The following SOX6 variants were observed in gnomAD, a reference collection of about 807,000 sequenced individuals.
SOX6 encodes the protein transcription factor SOX-6.
Under a neutral mutation model 97.8 loss-of-function variants are expected in SOX6, and 11 were observed. That is an observed-to-expected ratio of 0.11 (90% confidence interval 0.07 to 0.19). SOX6 has a LOEUF of 0.19. Ranked by LOEUF, SOX6 falls within the 10% of genes least tolerant of loss-of-function variation. The pLI is 1.00. For missense variants in SOX6, 810 were observed against 1,039.5 expected, an observed-to-expected ratio of 0.78 and a Z score of 3.04; for synonymous variants, 360 against 371.4, an observed-to-expected ratio of 0.97 and a Z score of 0.35.
At chr11:16,015,143 A>G (rs1028687078) in intron 12 of SOX6, 93 bp from the exon 13 acceptor site, 72 of 1,031,428 alleles carry the variant, frequency 7.0e-5, no homozygotes, top group Admixed American at 5.4e-4. Context: ...CAAAAGGTGA[A>G]TTCAAAAATA....
rs879106498 is a variant in SOX6 at position 15,972,490 on chromosome 11, G to GA, written c.*318dup. The GA allele has an allele frequency of 7.3e-4, 252 of 344,106 alleles. No individual in the cohort carries two copies. Among genetic ancestry groups the GA allele is most frequent in the East Asian group, 9.0e-4 (14 of 15,602 alleles). The allele number at this position is 344,106 out of a possible 1,614,324, so 21.3% of individuals were successfully genotyped here. A position where few individuals can be genotyped will look rare whatever the true frequency, so the allele number is the denominator to read the frequency against. On this transcript the variant is annotated 3_prime_UTR_variant, in exon 16 of 16. Transcript: ENST00000683767. Reference sequence around the variant, plus strand: ...CTTAAACCTTTATCAACATCCAAAAGAAAAAAAAAGTAAGACAAAAATATA... The same window carrying GA: ...CTTAAACCTTTATCAACATCCAAAAGAAAAAAAAAAGTAAGACAAAAATATA...
chr11:16,564,147 G>T (rs962837205), intron 4 of SOX6, among the ~76,000 whole-genome samples: 3 of 152,152 alleles, frequency 2.0e-5, no homozygotes, highest in Non-Finnish European at 2.9e-5. Flanking sequence ...TAAAAGAAAT[G>T]TTGAAACATC....
At chr11:16,065,974 A>G (rs1416309925) in intron 9 of SOX6, among the ~76,000 whole-genome samples, 3 of 152,186 alleles carry the variant, frequency 2.0e-5, no homozygotes, top group Non-Finnish European at 4.4e-5. Context: ...AAGTGAAGAG[A>G]CAATCCCAAT....
chr11:16,215,930 T>C (rs529372662), intron 4 of SOX6, among the ~76,000 whole-genome samples: 3 of 152,312 alleles, frequency 2.0e-5, no homozygotes, highest in African/African-American at 4.8e-5. Context: ...CACGAGGAAA[T>C]GTGTTCCAAT....
intron 9 of SOX6, among the ~76,000 whole-genome samples, chr11:16,079,181 T>A (rs1396718363): frequency 6.6e-6 from 1 of 152,152 alleles, no homozygotes; most frequent in Non-Finnish European, 1.5e-5. Context: ...TGAAAAATAA[T>A]GTACACTGCC....
At chr11:16,031,066 A>C (rs1361150232) in intron 12 of SOX6, among the ~76,000 whole-genome samples, 1 of 152,192 alleles carries the variant, frequency 6.6e-6, no homozygotes, top group African/African-American at 2.4e-5. Context: ...TCTAATTCGT[A>C]AGGCACAATC....
At chr11:16,167,355 G>T (rs1434270319) in intron 6 of SOX6, among the ~76,000 whole-genome samples, 1 of 151,976 alleles carries the variant, frequency 6.6e-6, no homozygotes, top group Non-Finnish European at 1.5e-5. Context: ...CCTGGTCCAA[G>T]TTACCAACAC....
intron 9 of SOX6, among the ~76,000 whole-genome samples, chr11:16,058,984 T>G (rs1378925781): frequency 6.6e-6 from 1 of 152,100 alleles, no homozygotes; most frequent in African/African-American, 2.4e-5. Context: ...GTTCCTTTAA[T>G]GATACATGAT....
intron 4 of SOX6, among the ~76,000 whole-genome samples, chr11:16,500,758 T>C (rs574677297): frequency 6.6e-6 from 1 of 152,284 alleles, no homozygotes; most frequent in African/African-American, 2.4e-5. Flanking sequence ...ACGAGGGATG[T>C]GAAGGACCTC....
chr11:16,582,917 A>T (rs560522167), intron 4 of SOX6, among the ~76,000 whole-genome samples: 34 of 152,210 alleles, frequency 2.2e-4, no homozygotes, highest in African/African-American at 7.7e-4. Flanking sequence ...AGCATAGACA[A>T]AAATGGGAGC....
intron 1 of SOX6, among the ~76,000 whole-genome samples, chr11:16,455,224 T>G (rs1432947138): frequency 2.6e-5 from 4 of 152,042 alleles, no homozygotes; most frequent in Admixed American, 2.6e-4. Context: ...CCTTTCAGTT[T>G]TATTGTCTGT....
intron 6 of SOX6, among the ~76,000 whole-genome samples, chr11:16,172,974 T>C (rs1173759785): frequency 6.6e-6 from 1 of 151,882 alleles, no homozygotes; most frequent in African/African-American, 2.4e-5. Flanking sequence ...AGTAGATCAG[T>C]TATCATCTCC....
At chr11:16,046,381 A>G in intron 12 of SOX6, 133 bp downstream of exon 12, 1 of 895,232 alleles carries the variant, frequency 1.1e-6, no homozygotes, top group South Asian at 1.4e-5. Context: ...AGATTTCAGT[A>G]AAGTACAAGA....
chr11:16,581,025 G>GA (rs1194901923), intron 4 of SOX6, among the ~76,000 whole-genome samples: 3 of 152,084 alleles, frequency 2.0e-5, no homozygotes, highest in Non-Finnish European at 2.9e-5. Flanking sequence ...AACCACTGTG[G>GA]AAGACAGTGC....
chr11:16,704,156 C>G (rs1369946746), intron 3 of SOX6, among the ~76,000 whole-genome samples: 1 of 152,082 alleles, frequency 6.6e-6, no homozygotes, highest in African/African-American at 2.4e-5. Context: ...TACCAGAAAG[C>G]CTAAAACCAG....
intron 1 of SOX6, among the ~76,000 whole-genome samples, chr11:16,416,942 A>T (rs1164173575): frequency 6.6e-6 from 1 of 152,142 alleles, no homozygotes; most frequent in South Asian, 2.1e-4. Context: ...TCTACCTTTC[A>T]CACTGAAGCG....
chr11:16,477,592 T>C (rs1259990014), upstream of SOX6, among the ~76,000 whole-genome samples: 3 of 152,208 alleles, frequency 2.0e-5, no homozygotes, highest in Non-Finnish European at 4.4e-5. Context: ...GGCTCACGCC[T>C]GTAATCCCAA....
chr11:16,145,361 A>C (rs1000267196), intron 6 of SOX6, among the ~76,000 whole-genome samples: 1 of 152,200 alleles, frequency 6.6e-6, no homozygotes, highest in Non-Finnish European at 1.5e-5. Context: ...CAAAATAATA[A>C]GAGCTATTTA....
intron 4 of SOX6, among the ~76,000 whole-genome samples, chr11:16,500,879 A>G (rs550650866): frequency 2.0e-5 from 3 of 152,298 alleles, no homozygotes; most frequent in Non-Finnish European, 2.9e-5. Flanking sequence ...AAATGGCCAT[A>G]CTGCCCAAGG....
Sources: allele counts gnomAD v4.1 joint callset (sites outside exome capture counted in the v4.1 genomes callset), GRCh38; gene constraint gnomAD v4.1.1; transcripts MANE v1.5; gene names NCBI Gene and HGNC (gene_info 2026-07-23, HGNC 2026-07-21).